ALG11: variants seen among roughly 807,000 people sequenced by gnomAD.
The protein encoded by ALG11 is ALG11 alpha-1,2-mannosyltransferase.
ALG11 carries 26 observed loss-of-function variants against 38.8 expected under a neutral mutation model. The ratio of observed to expected loss-of-function variants is 0.67; its 90% CI spans 0.49 to 0.93. The LOEUF is 0.93. Among genes scored for constraint, ALG11 ranks in the 40% least tolerant of loss-of-function variants. The pLI is 0.00. For synonymous variants in ALG11, 199 were observed against 211.6 expected, an observed-to-expected ratio of 0.94 and a Z score of 0.52; for missense variants, 535 against 578.8, an observed-to-expected ratio of 0.92 and a Z score of 0.78.
chr13:52,026,823 G>A (rs1210287144), intron 3 of ALG11, among the ~76,000 whole-genome samples: 1 of 152,104 alleles, frequency 6.6e-6, no homozygotes, highest in Admixed American at 6.5e-5. Context: ...AGAGGAGTCT[G>A]GTCTGGAAAT....
At chr13:52,021,016 A>G (rs1472545748) in intron 2 of ALG11, 1 of 152,212 alleles carries the variant, frequency 6.6e-6, no homozygotes, top group Non-Finnish European at 1.5e-5. Context: ...AACAAGATCG[A>G]TCAAGTCCTT....
rs1156339019 is a variant in ALG11 at position 52,029,884 on chromosome 13, G to A, written c.*1294G>A. 1.1e-5 allele frequency: 17 copies of A among 1,614,080 alleles called. No individual in the cohort carries two copies. The highest frequency in any genetic ancestry group is 3.3e-5 in the Admixed American group (2 of 60,004). On this transcript the variant is annotated 3_prime_UTR_variant, in exon 4 of 4. Coordinates refer to ENST00000521508, the MANE Select transcript of ALG11 (RefSeq NM_001004127.3). ...AAGAACTCCTTGTCCCTCATGTAGC[G>A]AATGAAGTGCAGATGAATGTGGACG... is the stretch of plus-strand genomic sequence containing the variant.
At chr13:52,016,615 A>T (rs903297873) in intron 1 of ALG11, 2 of 152,294 alleles carry the variant, frequency 1.3e-5, no homozygotes, top group African/African-American at 4.8e-5. Flanking sequence ...TCAGAGGGTG[A>T]AAGCCCCAAG....
chr13:52,021,355 G>A (rs1442347438), intron 2 of ALG11: 3 of 152,236 alleles, frequency 2.0e-5, no homozygotes, highest in Non-Finnish European at 2.9e-5. Flanking sequence ...TAGAGCCCAT[G>A]TTCTGAACCA....
At chr13:52,024,998 G>C in intron 3 of ALG11, 61 bp downstream of exon 3, 1 of 1,501,232 alleles carries the variant, frequency 6.7e-7, no homozygotes, top group South Asian at 1.1e-5. Flanking sequence ...AAGTTCTTTT[G>C]ATAAAATGAT....
At position 52,028,563 on chromosome 13, in the gene ALG11, A is replaced by T. The variant is rs188332164; in HGVS notation, c.1452A>T (p.Leu484=). 27 of 1,614,190 alleles carry T rather than the reference A, an allele frequency of 1.7e-5. No individual in the cohort carries two copies. Among genetic ancestry groups the T allele is most frequent in the Non-Finnish European group, 2.2e-5 (26 of 1,179,976 alleles). Residue 484 remains leucine (L), a synonymous_variant, in exon 4 of 4, where the codon CTA becomes CTT. Coordinates refer to ENST00000521508, the MANE Select transcript of ALG11 (RefSeq NM_001004127.3). The part of the protein sequence containing the change: ...FSDQEFEVTF[L]SSVEKLFK ...ATCAGGAATTTGAAGTGACATTCCTATCATCTGTGGAAAAGTTATTTAAGT... is the reference window on the plus strand; with the variant it reads ...ATCAGGAATTTGAAGTGACATTCCTTTCATCTGTGGAAAAGTTATTTAAGT...
At chr13:52,018,006 G>T (rs1316674421) in intron 1 of ALG11, among the ~76,000 whole-genome samples, 2 of 152,114 alleles carry the variant, frequency 1.3e-5, no homozygotes, top group African/African-American at 4.8e-5. Context: ...TAAAGGATAG[G>T]CAGAGTATGA....
intron 1 of ALG11, chr13:52,015,843 T>C (rs1324617408): frequency 2.0e-5 from 3 of 152,282 alleles, no homozygotes; most frequent in Non-Finnish European, 4.4e-5. Flanking sequence ...TTAGTACCAG[T>C]AGAGTGGGGT....
Position 52,030,925 on chromosome 13 carries a change from C to T in ALG11, c.*2335C>T. On this transcript the variant is annotated 3_prime_UTR_variant, in exon 4 of 4. Transcript: ENST00000521508. ...AGACCCCTATAGGATCCACATGGAA[C>T]ACCCAGAGGGCTTTCCAAAAGCTGA... 2 of 1,614,186 alleles carry T rather than the reference C, an allele frequency of 1.2e-6. No homozygotes were observed. Among genetic ancestry groups the T allele is most frequent in the Non-Finnish European group, 1.7e-6 (2 of 1,180,024 alleles).
Position 52,029,611 on chromosome 13 carries a change from G to A in ALG11, c.*1021G>A, listed in dbSNP as rs1283394556. ...AGAAAGCCTTAAAAGAGTTTGAGCA[G>A]CTACAGAAGGTTAATCCAACTGTGG... is the stretch of plus-strand genomic sequence containing the variant. On this transcript the variant is annotated 3_prime_UTR_variant, in exon 4 of 4. Transcript: ENST00000521508. 6.2e-7 allele frequency: 1 copy of A among 1,614,218 alleles called. No individual in the cohort carries two copies. The highest frequency in any genetic ancestry group is 8.5e-7 in the Non-Finnish European group (1 of 1,180,036).
intron 3 of ALG11, among the ~76,000 whole-genome samples, chr13:52,026,878 G>A (rs753713641): frequency 5.3e-5 from 8 of 152,190 alleles, no homozygotes; most frequent in African/African-American, 9.7e-5. Context: ...CAAAGCTCCC[G>A]TGGATGTGGT....
At chr13:52,026,332 CAG>C (rs1379590566) in intron 3 of ALG11, among the ~76,000 whole-genome samples, 5 of 152,242 alleles carry the variant, frequency 3.3e-5, no homozygotes, top group African/African-American at 1.2e-4. Context: ...AGGAAGACAA[CAG>C]AGAGGTGATA....
At chr13:52,019,481 A>C (rs1954166992) in intron 2 of ALG11, among the ~76,000 whole-genome samples, 1 of 152,178 alleles carries the variant, frequency 6.6e-6, no homozygotes, top group South Asian at 2.1e-4. Flanking sequence ...TCGGCCTTCC[A>C]AAGTGTTGGT....
chr13:52,012,584 C>T, intron 1 of ALG11, 122 bp downstream of exon 1: 3 of 1,332,592 alleles, frequency 2.3e-6, no homozygotes, highest in Non-Finnish European at 3.2e-6. Flanking sequence ...GGTAATTTCT[C>T]AGGCCAATGA....
chr13:52,033,246 G>A lies in ALG11; in HGVS notation c.*4656G>A, dbSNP rs749225746. 1.8e-5 allele frequency: 3 copies of A among 166,996 alleles called. No homozygotes were observed. The highest frequency in any genetic ancestry group is 2.9e-5 in the Non-Finnish European group (2 of 68,110). 10.3% of individuals were successfully genotyped at this position (166,996 alleles called of 1,614,324 possible). A position where few individuals can be genotyped will look rare whatever the true frequency, so the allele number is the denominator to read the frequency against. On this transcript the variant is annotated 3_prime_UTR_variant, in exon 4 of 4. Transcript: ENST00000521508. The stretch of plus-strand genomic sequence containing the variant: ...TCAGGATGACTATTAATTCCTCTCA[G>A]ATGTCATTTTTGAGTGGTCCAAGCC...
At position 52,019,100 on chromosome 13, in the gene ALG11, G is replaced by T; in HGVS notation, c.232G>T (p.Gly78Ter). The T allele has an allele frequency of 6.2e-7, 1 of 1,613,896 alleles. No homozygotes were observed. Residue 78 changes from glycine (G) to a stop codon, truncating the protein, a stop_gained, in exon 2 of 4, where the codon GGA becomes TGA. Transcript: ENST00000521508. LOFTEE classifies it high-confidence loss of function. ...FHPYCNAGGGGERVLWCALRA... is the reference protein window; with the variant it reads ...FHPYCNAGGG ...TCCATACTGCAATGCTGGTGGAGGA[G>T]GAGAAAGAGTTTTATGGTGTGCTTT... is the stretch of plus-strand genomic sequence containing the variant.
intron 1 of ALG11, 132 bp downstream of exon 1, chr13:52,012,594 A>G (rs1954082279): frequency 8.7e-6 from 11 of 1,260,068 alleles, no homozygotes; most frequent in Non-Finnish European, 1.2e-5. Context: ...CAGGCCAATG[A>G]GCAGTCTTTC....
intron 2 of ALG11, chr13:52,022,330 T>C (rs977762866): frequency 2.6e-5 from 4 of 152,248 alleles, no homozygotes; most frequent in African/African-American, 9.6e-5. Context: ...ATCACGCCAC[T>C]GTACTCCCGC....
chr13:52,029,704 C>T lies in ALG11; in HGVS notation c.*1114C>T. 1 of 1,614,150 alleles carries T rather than the reference C, an allele frequency of 6.2e-7. No homozygotes were observed. Among genetic ancestry groups the T allele is most frequent in the Non-Finnish European group, 8.5e-7 (1 of 1,180,030 alleles). On this transcript the variant is annotated 3_prime_UTR_variant, in exon 4 of 4. Coordinates refer to ENST00000521508, the MANE Select transcript of ALG11 (RefSeq NM_001004127.3). ...AAAGAATGAGCCTTAAGCACCAAAA[C>T]AGTGGGAAATGGGCCAAGTCAAAGG...
Sources: allele counts gnomAD v4.1 joint callset (sites outside exome capture counted in the v4.1 genomes callset), GRCh38; gene constraint gnomAD v4.1.1; transcripts MANE v1.5; gene names NCBI Gene and HGNC (gene_info 2026-07-23, HGNC 2026-07-21).